The following TBC1D19 variants were observed in gnomAD, a reference collection of about 807,000 sequenced individuals.
The protein encoded by TBC1D19 is TBC1 domain family, member 19.
Under a neutral mutation model 89.0 loss-of-function variants are expected in TBC1D19, and 60 were observed. The ratio of observed to expected loss-of-function variants is 0.67; its 90% CI spans 0.55 to 0.84. The LOEUF (loss-of-function observed/expected upper bound fraction) is 0.84, where lower values mean the gene tolerates loss of function less well. TBC1D19 is among the 40% of genes least tolerant of loss of function. The pLI, the probability that TBC1D19 is intolerant of heterozygous loss-of-function variation, is 0.00. For missense variants in TBC1D19, 500 were observed against 610.8 expected (o/e 0.82, Z 1.91); for synonymous variants, 189 against 199.7 (o/e 0.95, Z 0.45).
chr4:26,652,756 C>A (rs987202507), intron 7 of TBC1D19, among the ~76,000 whole-genome samples: 2 of 152,124 alleles, frequency 1.3e-5, no homozygotes, highest in Non-Finnish European at 2.9e-5. Context: ...ATTCTTCTCT[C>A]TTTTCTTCTT....
At chr4:26,794,334 A>G in the TBC1D19 span, among the ~76,000 whole-genome samples, 1 of 152,212 alleles carries the variant, frequency 6.6e-6, no homozygotes, top group Non-Finnish European at 1.5e-5. Flanking sequence ...ACAAAATCAA[A>G]CATTACTGAA....
rs75734371 is a variant in TBC1D19 at position 26,623,384 on chromosome 4, T to C, written c.294+2696T>C. ...TGCCAATATTATATTTGTTATTCAT[T>C]GTCTGTCTTCCATTTAGGTTGTTCT... On this transcript the variant is annotated intron_variant, in intron 4 of 20. Transcript: ENST00000264866. 5.5e-3 allele frequency among the ~76,000 whole-genome samples: 837 copies of C among 152,362 alleles called. 8 individuals are homozygous for C. The highest frequency in any genetic ancestry group is 0.019 in the African/African-American group (799 of 41,584).
chr4:26,750,793 G>A (rs1277589969), intron 19 of TBC1D19, among the ~76,000 whole-genome samples: 1 of 152,032 alleles, frequency 6.6e-6, no homozygotes, highest in African/African-American at 2.4e-5. Flanking sequence ...AGAATCACAG[G>A]GTAGATAATT....
chr4:26,659,578 G>C lies in TBC1D19; in HGVS notation c.481-19G>C, dbSNP rs377601607. 1 of 1,517,394 alleles carries C rather than the reference G, an allele frequency of 6.6e-7. No individual in the cohort carries two copies. Among genetic ancestry groups the C allele is most frequent in the South Asian group, 1.2e-5 (1 of 83,694 alleles). The allele number at this position is 1,517,394 out of a possible 1,614,324, so 94.0% of individuals were successfully genotyped here. On this transcript the variant is annotated intron_variant, in intron 7 of 20. Coordinates refer to ENST00000264866, the MANE Select transcript of TBC1D19 (RefSeq NM_018317.4). ...TCCTGGAAAGAAACTAACCAATTTTGTTGGATTTGTTTTTAAAGGTATTAA... is the reference window on the plus strand; with the variant it reads ...TCCTGGAAAGAAACTAACCAATTTTCTTGGATTTGTTTTTAAAGGTATTAA...
At chr4:26,716,144 G>T (rs1716591895) in intron 13 of TBC1D19, among the ~76,000 whole-genome samples, 1 of 151,954 alleles carries the variant, frequency 6.6e-6, no homozygotes, top group Non-Finnish European at 1.5e-5. Flanking sequence ...CACACATTCT[G>T]CTCCATCATA....
At position 26,670,675 on chromosome 4, in the gene TBC1D19, G is replaced by A. The variant is rs1577909496; in HGVS notation, c.665-1474G>A. Among the ~76,000 whole-genome samples, 4 of 151,690 alleles carry A rather than the reference G, an allele frequency of 2.6e-5. No homozygotes were observed. In the South Asian group the frequency reaches 6.3e-4, roughly 24 times the overall value. On this transcript the variant is annotated intron_variant, in intron 9 of 20. Transcript: ENST00000264866. ...CACTTGCGTAACCTCCAGCTAGACCGAGAAACAGAATATTACCAGCATCTC... is the reference window on the plus strand; with the variant it reads ...CACTTGCGTAACCTCCAGCTAGACCAAGAAACAGAATATTACCAGCATCTC...
chr4:26,657,056 GTTCTTCTTC>G (rs59336873), intron 7 of TBC1D19, among the ~76,000 whole-genome samples: 1 of 121,032 alleles, frequency 8.3e-6, no homozygotes, highest in Admixed American at 8.6e-5. Context: ...TCCTCTTCTT[GTTCTTCTTC>G]TTCTTCTTCT....
Position 26,754,983 on chromosome 4 carries a change from T to G in TBC1D19, c.*36T>G. On this transcript the variant is annotated 3_prime_UTR_variant, in exon 21 of 21. Transcript: ENST00000264866. ...AGTCACTGGCAACACATCTAGTTTT[T>G]CATTAGAAACAAATCATGAACTATG... The G allele has an allele frequency of 6.4e-7, 1 of 1,567,718 alleles. No homozygotes were observed. Among genetic ancestry groups the G allele is most frequent in the East Asian group, 2.3e-5 (1 of 43,316 alleles).
intron 13 of TBC1D19, among the ~76,000 whole-genome samples, chr4:26,705,420 C>T (rs544717464): frequency 1.3e-5 from 2 of 152,262 alleles, no homozygotes; most frequent in South Asian, 4.1e-4. Flanking sequence ...TTAGAACTTG[C>T]ATTCAGGTCT....
At chr4:26,655,843 G>A (rs1744763028) in intron 7 of TBC1D19, among the ~76,000 whole-genome samples, 1 of 152,214 alleles carries the variant, frequency 6.6e-6, no homozygotes, top group Non-Finnish European at 1.5e-5. Context: ...GCCTCGCCCT[G>A]CTTCAGCTCA....
At chr4:26,662,050 G>A (rs1205084470) in intron 8 of TBC1D19, among the ~76,000 whole-genome samples, 1 of 152,112 alleles carries the variant, frequency 6.6e-6, no homozygotes, top group Non-Finnish European at 1.5e-5. Flanking sequence ...ACCAGTCAAG[G>A]ATCGTATGTT....
chr4:26,656,663 A>G (rs1277986828), intron 7 of TBC1D19, among the ~76,000 whole-genome samples: 4 of 151,958 alleles, frequency 2.6e-5, no homozygotes, highest in Admixed American at 6.6e-5. Context: ...GGTTAAAGCA[A>G]TTCTCCTGCC....
the TBC1D19 span, among the ~76,000 whole-genome samples, chr4:26,769,271 C>T: frequency 2.6e-5 from 4 of 152,032 alleles, no homozygotes; most frequent in African/African-American, 9.6e-5. Flanking sequence ...TGCCAGCAGA[C>T]ATGCCTCGAA....
At position 26,637,243 on chromosome 4, in the gene TBC1D19, A is replaced by C; in HGVS notation, c.327A>C (p.Leu109Phe). The change falls in exon 5 of 21, where the codon TTA becomes TTC. Residue 109 changes from leucine (L) to phenylalanine (F), a missense_variant. Leu to Phe is a conservative substitution (Grantham distance 22). This residue lies in a region of TBC1D19 where 280 missense variants were observed against 291.7 expected (regional missense o/e 0.96). Coordinates refer to ENST00000264866, the MANE Select transcript of TBC1D19 (RefSeq NM_018317.4). ...GGGAAAAAAGAATTTTGAAGAGTTT[A>C]AATAGTATGTGCACTGAACTGAGTA... is the stretch of plus-strand genomic sequence containing the variant. Reference protein sequence around the residue: ...GSWEKRILKSLNSMCTELSIP... With the variant: ...GSWEKRILKSFNSMCTELSIP... 1.2e-6 allele frequency: 2 copies of C among 1,610,510 alleles called. No homozygotes were observed. The highest frequency in any genetic ancestry group is 1.7e-6 in the Non-Finnish European group (2 of 1,178,148).
intron 1 of TBC1D19, among the ~76,000 whole-genome samples, chr4:26,594,436 A>G (rs1227315218): frequency 1.3e-5 from 2 of 151,888 alleles, no homozygotes; most frequent in Non-Finnish European, 2.9e-5. Flanking sequence ...CACTTAAAGT[A>G]TAATTTAAAA....
chr4:26,578,795 A>G (rs953714555), intron 1 of TBC1D19, among the ~76,000 whole-genome samples: 5 of 152,226 alleles, frequency 3.3e-5, no homozygotes, highest in African/African-American at 1.2e-4. Flanking sequence ...ATTGTATTAG[A>G]GAATAGACTA....
In TBC1D19 at chr4:26,637,322, G is replaced by C. The variant is rs1743196355; in HGVS notation, c.369+37G>C. ...CATTTTTCTGTTTAAGTATTTCATT[G>C]TGAATCAAATACAGAAAGTATCATG... On this transcript the variant is annotated intron_variant, in intron 5 of 20. Coordinates refer to ENST00000264866, the MANE Select transcript of TBC1D19 (RefSeq NM_018317.4). The C allele has an allele frequency of 2.8e-6, 4 of 1,447,994 alleles. No individual in the cohort carries two copies. The Admixed American group carries it at 5.4e-5, about 20-fold the overall frequency. 89.7% of individuals were successfully genotyped at this position (1,447,994 alleles called of 1,614,324 possible).
At chr4:26,832,123 C>G in the TBC1D19 span, among the ~76,000 whole-genome samples, 51 of 152,302 alleles carry the variant, frequency 3.3e-4, no homozygotes, top group Non-Finnish European at 5.0e-4. Context: ...ATCAAGAACT[C>G]CACATGCCAA....
At chr4:26,594,443 A>T (rs529846181) in intron 1 of TBC1D19, among the ~76,000 whole-genome samples, 16 of 150,662 alleles carry the variant, frequency 1.1e-4, no homozygotes, top group South Asian at 4.2e-4. Flanking sequence ...AGTATAATTT[A>T]AAAAAAAAAT....
Sources: allele counts gnomAD v4.1 joint callset (sites outside exome capture counted in the v4.1 genomes callset), GRCh38; gene constraint gnomAD v4.1.1; regional missense constraint gnomAD v4.1.1; transcripts MANE v1.5; gene names NCBI Gene and HGNC (gene_info 2026-07-23, HGNC 2026-07-21).